DERA: variants seen among roughly 807,000 people sequenced by gnomAD.
DERA encodes the protein 2-deoxy-D-ribose 5-phosphate aldolase.
In DERA, 15 loss-of-function variants were observed where a neutral mutation model predicts 41.1. That is an observed-to-expected ratio of 0.37 (90% CI 0.24 to 0.56). The LOEUF (loss-of-function observed/expected upper bound fraction) is 0.56, where lower values mean the gene tolerates loss of function less well. DERA is among the 20% of genes least tolerant of loss of function. The probability of loss-of-function intolerance (pLI) is 0.81; values close to 1 mark genes in which losing one functional copy is unlikely to be tolerated. For synonymous variants in DERA, 139 were observed against 137.4 expected (o/e 1.01, Z -0.08); for missense variants, 396 against 403.4 (o/e 0.98, Z 0.16).
chr12:16,023,634 C>T (rs1002820288), intron 6 of DERA, among the ~76,000 whole-genome samples: 2 of 151,360 alleles, frequency 1.3e-5, no homozygotes, highest in East Asian at 1.9e-4. Flanking sequence ...CCCGCCACTA[C>T]GCCCGGCTAA....
At chr12:16,023,767 G>A (rs1026684090) in intron 6 of DERA, among the ~76,000 whole-genome samples, 2 of 152,212 alleles carry the variant, frequency 1.3e-5, no homozygotes, top group African/African-American at 2.4e-5. Context: ...GTGAGCCACC[G>A]CGCCCGGCCT....
chr12:15,961,775 G>A (rs1437430112), intron 4 of DERA, among the ~76,000 whole-genome samples: 1 of 152,042 alleles, frequency 6.6e-6, no homozygotes, highest in Non-Finnish European at 1.5e-5. Context: ...ACAGAGTCTC[G>A]CTCTATCACC....
rs1949006543 is a variant in DERA at position 16,019,775 on chromosome 12, A to T, written c.638-12767A>T. 6.6e-6 allele frequency among the ~76,000 whole-genome samples: 1 copy of T among 152,088 alleles called. No homozygotes were observed. Among genetic ancestry groups the T allele is most frequent in the African/African-American group, 2.4e-5 (1 of 41,414 alleles). On this transcript the variant is annotated intron_variant, in intron 6 of 8. Transcript: ENST00000428559. The surrounding 1 kb of genome is among the most constrained non-coding windows in gnomAD (Gnocchi z 4.4). ...ATTTCTCTGATCCTTTGTAATTCTT[A>T]TTGATCATAATACTTACTGGGCATA...
At position 16,011,289 on chromosome 12, in the gene DERA, A is replaced by G. The variant is rs1948944968; in HGVS notation, c.638-21253A>G. Among the ~76,000 whole-genome samples, 1 of 152,214 alleles carries G rather than the reference A, an allele frequency of 6.6e-6. No individual in the cohort carries two copies. Among genetic ancestry groups the G allele is most frequent in the African/African-American group, 2.4e-5 (1 of 41,450 alleles). ...CTTTGCCAAAGCATAGTGATACCAA[A>G]TCATATTTTACAGGTTGAATATCCC... On this transcript the variant is annotated intron_variant, in intron 6 of 8. Transcript: ENST00000428559. The surrounding 1 kb of genome is among the most constrained non-coding windows in gnomAD (Gnocchi z 4.7).
At chr12:15,933,546 C>T (rs1446848683) in intron 1 of DERA, among the ~76,000 whole-genome samples, 1 of 152,180 alleles carries the variant, frequency 6.6e-6, no homozygotes, top group Non-Finnish European at 1.5e-5. Context: ...CTGATCAAAT[C>T]GATGACTGTG....
In DERA at chr12:15,911,336, C is replaced by G; in HGVS notation, c.-48C>G. On this transcript the variant is annotated 5_prime_UTR_variant, in exon 1 of 9. Transcript: ENST00000428559. This position sits in a 1 kb window ranked among gnomAD's most constrained non-coding sequence, Gnocchi z 4.5. ...GGGAAGGAGGAAGGGCCGGGCGCGGCGCAGAGGCGGGCGCCTACCAGCCGG... is the reference window on the plus strand; with the variant it reads ...GGGAAGGAGGAAGGGCCGGGCGCGGGGCAGAGGCGGGCGCCTACCAGCCGG... 2 of 1,441,862 alleles carry G rather than the reference C, an allele frequency of 1.4e-6. No homozygotes were observed. The highest frequency in any genetic ancestry group is 2.8e-5 in the South Asian group (2 of 71,946). The allele number at this position is 1,441,862 out of a possible 1,614,324, so 89.3% of individuals were successfully genotyped here. A position where few individuals can be genotyped will look rare whatever the true frequency, so the allele number is the denominator to read the frequency against.
At chr12:15,968,462 C>T (rs1948638578) in intron 5 of DERA, among the ~76,000 whole-genome samples, 1 of 152,192 alleles carries the variant, frequency 6.6e-6, no homozygotes. Context: ...GTGGGGACAT[C>T]ACCCGGCCAG....
chr12:15,999,298 TG>T lies in DERA; in HGVS notation c.637+16864del, dbSNP rs1249452533. Among the ~76,000 whole-genome samples, 1 of 152,168 alleles carries T rather than the reference TG, an allele frequency of 6.6e-6. No individual in the cohort carries two copies. The highest frequency in any genetic ancestry group is 1.5e-5 in the Non-Finnish European group (1 of 68,024). On this transcript the variant is annotated intron_variant, in intron 6 of 8. Coordinates refer to ENST00000428559, the MANE Select transcript of DERA (RefSeq NM_015954.4). This position sits in a 1 kb window ranked among gnomAD's most constrained non-coding sequence, Gnocchi z 5.3. The stretch of plus-strand genomic sequence containing the variant: ...ATTGGAGGAGGATTAGAAGAGAGAA[TG>T]GAGAGAGTAAAGTAAGCATGACATA...
In DERA at chr12:15,928,823, A is replaced by G. The variant is rs1275949533; in HGVS notation, c.31+17409A>G. On this transcript the variant is annotated intron_variant, in intron 1 of 8. Transcript: ENST00000428559. This position sits in a 1 kb window ranked among gnomAD's most constrained non-coding sequence, Gnocchi z 4.6. ...TGTGCAGTTTAAAATGTTTAACCAA[A>G]GGGAATATTTGGTTGTGGGGAGCCT... Among the ~76,000 whole-genome samples, 2 of 152,232 alleles carry G rather than the reference A, an allele frequency of 1.3e-5. No homozygotes were observed. The highest frequency in any genetic ancestry group is 4.8e-5 in the African/African-American group (2 of 41,458).
intron 1 of DERA, among the ~76,000 whole-genome samples, chr12:15,953,832 T>C (rs558510106): frequency 6.6e-6 from 1 of 152,188 alleles, no homozygotes; most frequent in South Asian, 2.1e-4. Context: ...CATGGGTTAT[T>C]TGATGAAATT....
In DERA at chr12:15,970,366, C is replaced by T. The variant is rs188607203; in HGVS notation, c.508+7419C>T. 1.0e-3 allele frequency among the ~76,000 whole-genome samples: 152 copies of T among 152,178 alleles called. No homozygotes were observed. Among genetic ancestry groups the T allele is most frequent in the African/African-American group, 3.4e-3 (141 of 41,528 alleles). ...TTTTAGATAGGAAACAGTCTTTAAA[C>T]GCTTGGATTCTTACTTAAATCATAA... On this transcript the variant is annotated intron_variant, in intron 5 of 8. Coordinates refer to ENST00000428559, the MANE Select transcript of DERA (RefSeq NM_015954.4). This position sits in a 1 kb window ranked among gnomAD's most constrained non-coding sequence, Gnocchi z 4.3.
At chr12:15,964,427 C>CT (rs1948609556) in intron 5 of DERA, among the ~76,000 whole-genome samples, 1 of 152,130 alleles carries the variant, frequency 6.6e-6, no homozygotes, top group African/African-American at 2.4e-5. Context: ...GGTTTAAACT[C>CT]TTGACAGTTC....
At chr12:15,912,221 T>C (rs961172851) in intron 1 of DERA, among the ~76,000 whole-genome samples, 1 of 151,950 alleles carries the variant, frequency 6.6e-6, no homozygotes, top group African/African-American at 2.4e-5. Flanking sequence ...TGATGACTCT[T>C]AACGAGCATG....
At chr12:16,025,450 C>T (rs922436834) in intron 6 of DERA, among the ~76,000 whole-genome samples, 10 of 151,654 alleles carry the variant, frequency 6.6e-5, no homozygotes, top group African/African-American at 1.9e-4. Flanking sequence ...ACACTATCAG[C>T]GATAAAAAAG....
Position 16,011,762 on chromosome 12 carries a change from C to T in DERA, c.638-20780C>T, listed in dbSNP as rs934193656. Among the ~76,000 whole-genome samples the T allele has an allele frequency of 9.2e-5, 14 of 152,066 alleles. No homozygotes were observed. The highest frequency in any genetic ancestry group is 4.4e-5 in the Non-Finnish European group (3 of 68,012). ...CATTTGGCATGGGTAATTGTATTTA[C>T]GGATAGATGTTTTCATTTTATACTG... On this transcript the variant is annotated intron_variant, in intron 6 of 8. Coordinates refer to ENST00000428559, the MANE Select transcript of DERA (RefSeq NM_015954.4). The surrounding 1 kb of genome is among the most constrained non-coding windows in gnomAD (Gnocchi z 4.7).
At chr12:15,958,139 G>C in intron 2 of DERA, 49 bp from the exon 3 acceptor site, 1 of 1,487,334 alleles carries the variant, frequency 6.7e-7, no homozygotes, top group Non-Finnish European at 9.0e-7. Context: ...AGGTTGGTTG[G>C]TTTGTTTATT....
At position 15,981,954 on chromosome 12, in the gene DERA, C is replaced by T. The variant is rs1369554550; in HGVS notation, c.509-354C>T. Reference sequence around the variant, plus strand: ...TTTTTTATTACTTTGCAAAGGGGTACACCACTGTATGTATGGTAGCTACAT... The same window carrying T: ...TTTTTTATTACTTTGCAAAGGGGTATACCACTGTATGTATGGTAGCTACAT... On this transcript the variant is annotated intron_variant, in intron 5 of 8. Coordinates refer to ENST00000428559, the MANE Select transcript of DERA (RefSeq NM_015954.4). This position sits in a 1 kb window ranked among gnomAD's most constrained non-coding sequence, Gnocchi z 6.1. 6.6e-6 allele frequency among the ~76,000 whole-genome samples: 1 copy of T among 152,036 alleles called. No individual in the cohort carries two copies. Among genetic ancestry groups the T allele is most frequent in the Non-Finnish European group, 1.5e-5 (1 of 68,010 alleles).
chr12:15,956,517 A>G (rs1948540183), intron 1 of DERA: 2 of 350,696 alleles, frequency 5.7e-6, no homozygotes, highest in Non-Finnish European at 1.1e-5. Flanking sequence ...AAGCCCCACC[A>G]TTAGTTCACT....
intron 2 of DERA, 50 bp from the exon 3 acceptor site, chr12:15,958,138 G>T (rs2136147172): frequency 1.4e-6 from 2 of 1,480,274 alleles, no homozygotes; most frequent in Non-Finnish European, 1.8e-6. Context: ...GAGGTTGGTT[G>T]GTTTGTTTAT....
Sources: allele counts gnomAD v4.1 joint callset (sites outside exome capture counted in the v4.1 genomes callset), GRCh38; gene constraint gnomAD v4.1.1; non-coding constraint Gnocchi (gnomAD v3.1); transcripts MANE v1.5; gene names NCBI Gene and HGNC (gene_info 2026-07-23, HGNC 2026-07-21).